Variants in PIP5K1B observed in about 807,000 individuals in gnomAD.
The protein encoded by PIP5K1B is phosphatidylinositol 4-phosphate 5-kinase type-1 beta.
PIP5K1B carries 42 observed loss-of-function variants against 67.0 expected under a neutral mutation model. The ratio of observed to expected loss-of-function variants is 0.63; its 90% CI spans 0.49 to 0.81. The LOEUF (loss-of-function observed/expected upper bound fraction) is 0.81. Ranked by LOEUF, PIP5K1B falls within the 30% of genes least tolerant of loss-of-function variation. The pLI is 0.00. For missense variants in PIP5K1B, 459 were observed against 646.3 expected (o/e 0.71, Z 3.14); for synonymous variants, 214 against 231.4 (o/e 0.92, Z 0.68).
chr9:68,706,980 T>A (rs1018605617), intron 1 of PIP5K1B, among the ~76,000 whole-genome samples: 1 of 152,162 alleles, frequency 6.6e-6, no homozygotes, highest in Non-Finnish European at 1.5e-5. Context: ...TCTAATGTGA[T>A]GAAGTAGGGT....
rs1828954512 is a variant in PIP5K1B at position 68,740,552 on chromosome 9, C to T, written c.-242-1949C>T. Reference sequence around the variant, plus strand: ...TTTAATACATTTTTATCCTGAAGCTCTCTGATAGTGGTCTTCTATGCAATG... The same window carrying T: ...TTTAATACATTTTTATCCTGAAGCTTTCTGATAGTGGTCTTCTATGCAATG... On this transcript the variant is annotated intron_variant, in intron 1 of 15. Transcript: ENST00000265382. Among the ~76,000 whole-genome samples the T allele has an allele frequency of 1.3e-5, 2 of 152,300 alleles. 1 individual carries two copies. Among genetic ancestry groups the T allele is most frequent in the South Asian group, 4.1e-4 (2 of 4,828 alleles).
rs913378195 is a variant in PIP5K1B, at chr9:69,009,140, A to C, written c.*691A>C. The C allele has an allele frequency of 6.6e-6, 1 of 152,670 alleles. No homozygotes were observed. Among genetic ancestry groups the C allele is most frequent in the African/African-American group, 2.4e-5 (1 of 41,462 alleles). The allele number at this position is 152,670 out of a possible 1,614,324, so 9.5% of individuals were successfully genotyped here. A position where few individuals can be genotyped will look rare whatever the true frequency, so the allele number is the denominator to read the frequency against. On this transcript the variant is annotated 3_prime_UTR_variant, in exon 16 of 16. Transcript: ENST00000265382. Reference sequence around the variant, plus strand: ...TATTTAGTAAATACTACTGTAAACTATAGTTTTGTGAGAGAAATAAAATAT... The same window carrying C: ...TATTTAGTAAATACTACTGTAAACTCTAGTTTTGTGAGAGAAATAAAATAT...
intron 4 of PIP5K1B, chr9:68,824,016 G>A: frequency 2.1e-6 from 1 of 481,484 alleles, no homozygotes; most frequent in Non-Finnish European, 4.1e-6. Flanking sequence ...AAAGATTCAA[G>A]AGCTCAGAAG....
intron 14 of PIP5K1B, among the ~76,000 whole-genome samples, chr9:68,944,899 A>G (rs928619561): frequency 6.6e-5 from 10 of 152,176 alleles, no homozygotes; most frequent in African/African-American, 2.2e-4. Context: ...GAAACCTTAC[A>G]TGGTATATCC....
intron 14 of PIP5K1B, among the ~76,000 whole-genome samples, chr9:68,958,508 G>A (rs1364372850): frequency 6.6e-6 from 1 of 152,182 alleles, no homozygotes; most frequent in Non-Finnish European, 1.5e-5. Context: ...CAAGAGAGCG[G>A]TTTGTGCAAA....
intron 4 of PIP5K1B, among the ~76,000 whole-genome samples, chr9:68,852,275 G>C (rs1352250047): frequency 1.3e-5 from 2 of 152,084 alleles, no homozygotes; most frequent in African/African-American, 4.8e-5. Flanking sequence ...AGATGTGGGA[G>C]AAATGCAGGG....
intron 8 of PIP5K1B, among the ~76,000 whole-genome samples, chr9:68,899,863 G>T (rs996238669): frequency 6.6e-6 from 1 of 152,130 alleles, no homozygotes; most frequent in Non-Finnish European, 1.5e-5. Flanking sequence ...CATCACTCAG[G>T]TAATAAGCAT....
chr9:68,734,153 C>T (rs76167711), intron 1 of PIP5K1B, among the ~76,000 whole-genome samples: 1,624 of 152,254 alleles, frequency 0.011, 32 homozygotes, highest in African/African-American at 0.037. Flanking sequence ...TTGTTAAAAA[C>T]TCAATGTTAA....
intron 1 of PIP5K1B, among the ~76,000 whole-genome samples, chr9:68,714,292 A>G (rs1827531236): frequency 6.6e-6 from 1 of 152,132 alleles, no homozygotes; most frequent in Admixed American, 6.5e-5. Flanking sequence ...GCTAGTCACC[A>G]AGTAGCACGA....
In PIP5K1B at chr9:68,854,658, C is replaced by T. The variant is rs143466047; in HGVS notation, c.70-9179C>T. On this transcript the variant is annotated intron_variant, in intron 4 of 15. Coordinates refer to ENST00000265382, the MANE Select transcript of PIP5K1B (RefSeq NM_003558.4). ...AAAGATGAGCAACTCCTAAACATGC[C>T]TTTGTCATGCCTCAAAATGTATTTT... Among the ~76,000 whole-genome samples the T allele has an allele frequency of 1.6e-4, 25 of 152,294 alleles. 1 individual carries two copies. The East Asian group carries it at 4.8e-3, about 29-fold the overall frequency.
At chr9:68,894,098 T>A (rs1219658724) in intron 7 of PIP5K1B, among the ~76,000 whole-genome samples, 1 of 152,232 alleles carries the variant, frequency 6.6e-6, no homozygotes, top group Admixed American at 6.5e-5. Context: ...TGGAGCCAAT[T>A]TGGGACATTA....
At chr9:68,759,071 G>A (rs146918339) in intron 2 of PIP5K1B, among the ~76,000 whole-genome samples, 2 of 152,230 alleles carry the variant, frequency 1.3e-5, no homozygotes, top group East Asian at 3.9e-4. Flanking sequence ...AGTAGACCTT[G>A]TATAAGACAA....
intron 14 of PIP5K1B, among the ~76,000 whole-genome samples, chr9:68,966,994 T>C (rs1829073672): frequency 6.6e-6 from 1 of 152,210 alleles, no homozygotes; most frequent in Non-Finnish European, 1.5e-5. Flanking sequence ...TGATTTATTA[T>C]GCAGATCACA....
chr9:68,971,520 T>C (rs1021260818), intron 14 of PIP5K1B, among the ~76,000 whole-genome samples: 25 of 152,326 alleles, frequency 1.6e-4, no homozygotes, highest in African/African-American at 5.8e-4. Context: ...AGTAATGGGA[T>C]TTCTGGGTCA....
chr9:68,892,343 A>G (rs1337352650), intron 7 of PIP5K1B, among the ~76,000 whole-genome samples: 1 of 152,222 alleles, frequency 6.6e-6, no homozygotes, highest in Non-Finnish European at 1.5e-5. Flanking sequence ...AAGAAGAAAA[A>G]TAGTAGGCCT....
At position 68,990,434 on chromosome 9, in the gene PIP5K1B, A is replaced by G. The variant is rs138976135; in HGVS notation, c.1503-706A>G. Among the ~76,000 whole-genome samples, 268 of 152,086 alleles carry G rather than the reference A, an allele frequency of 1.8e-3. 1 individual carries two copies. Among genetic ancestry groups the G allele is most frequent in the Admixed American group, 0.015 (224 of 15,250 alleles). On this transcript the variant is annotated intron_variant, in intron 14 of 15. Transcript: ENST00000265382. ...TAAAAAGGGGAAAAAAAGAAAAATC[A>G]TCAGTGCTAATGATGCACAAGGTTA...
intron 11 of PIP5K1B, among the ~76,000 whole-genome samples, chr9:68,920,565 G>A (rs889085647): frequency 6.6e-6 from 1 of 151,300 alleles, no homozygotes; most frequent in Non-Finnish European, 1.5e-5. Flanking sequence ...ACAGGATTTC[G>A]CCATGTTGGC....
rs148189315 is a variant in PIP5K1B at position 68,951,163 on chromosome 9, G to A, written c.1502+10373G>A. Reference sequence around the variant, plus strand: ...GGATAAAGTAATAAAGGTGACATGTGTAATGAAGTAATGGAGCTCATTATT... The same window carrying A: ...GGATAAAGTAATAAAGGTGACATGTATAATGAAGTAATGGAGCTCATTATT... On this transcript the variant is annotated intron_variant, in intron 14 of 15. Transcript: ENST00000265382. 6.2e-3 allele frequency among the ~76,000 whole-genome samples: 941 copies of A among 152,296 alleles called. 9 individuals are homozygous for A. Among genetic ancestry groups the A allele is most frequent in the African/African-American group, 0.022 (896 of 41,552 alleles).
chr9:68,753,253 GACACATTTTGATA>G (rs986654145), intron 2 of PIP5K1B, among the ~76,000 whole-genome samples: 6 of 150,436 alleles, frequency 4.0e-5, no homozygotes, highest in African/African-American at 1.5e-4. Flanking sequence ...ATAGCTTTAT[GACACATTTTGATA>G]ACACATTTTG....
Sources: allele counts gnomAD v4.1 joint callset (sites outside exome capture counted in the v4.1 genomes callset), GRCh38; gene constraint gnomAD v4.1.1; transcripts MANE v1.5; gene names NCBI Gene and HGNC (gene_info 2026-07-23, HGNC 2026-07-21).